Variants in MAPKAPK2 observed in about 807,000 individuals in gnomAD.
The protein encoded by MAPKAPK2 is MAP kinase-activated protein kinase 2.
A neutral mutation model predicts 48.8 loss-of-function variants in MAPKAPK2; 9 were observed. The ratio of observed to expected loss-of-function variants is 0.18; its 90% CI spans 0.11 to 0.32. The LOEUF (loss-of-function observed/expected upper bound fraction) is 0.32. Among genes scored for constraint, MAPKAPK2 ranks in the 10% least tolerant of loss-of-function variants. The probability of loss-of-function intolerance (pLI) is 1.00; values close to 1 mark genes in which losing one functional copy is unlikely to be tolerated. For synonymous variants in MAPKAPK2, 202 were observed against 190.6 expected, an observed-to-expected ratio of 1.06 and a Z score of -0.49; for missense variants, 331 against 498.3, an observed-to-expected ratio of 0.66 and a Z score of 3.20.
intron 4 of MAPKAPK2, 134 bp downstream of exon 4, chr1:206,729,609 T>C: frequency 1.3e-6 from 1 of 797,632 alleles, no homozygotes; most frequent in Non-Finnish European, 2.1e-6. Context: ...CTCTGCCTTG[T>C]AGGGCCTTGC....
Position 206,685,351 on chromosome 1 carries a change from A to AGCAGTTCCC in MAPKAPK2, c.131_139dup (p.Pro44_Phe46dup), listed in dbSNP as rs1672251187. On this transcript the variant is annotated inframe_insertion, in exon 1 of 10. Coordinates refer to ENST00000367103, the MANE Select transcript of MAPKAPK2 (RefSeq NM_032960.4). ...GCGCAGCCGCCGCCGCCGCCCCCGC[A>AGCAGTTCCC]GCAGTTCCCGCAGTTCCACGTCAAG... The AGCAGTTCCC allele has an allele frequency of 7.6e-6, 10 of 1,316,672 alleles. No individual in the cohort carries two copies. The highest frequency in any genetic ancestry group is 1.0e-5 in the Non-Finnish European group (10 of 1,002,260). The allele number at this position is 1,316,672 out of a possible 1,614,324, so 81.6% of individuals were successfully genotyped here.
chr1:206,701,784 T>TTATTGCA (rs1553427934), intron 1 of MAPKAPK2, among the ~76,000 whole-genome samples: 1 of 146,682 alleles, frequency 6.8e-6, no homozygotes, highest in Non-Finnish European at 1.5e-5. Flanking sequence ...CAGAGAGCCG[T>TTATTGCA]TATTGCACTG....
At chr1:206,719,163 G>A (rs145573026) in intron 1 of MAPKAPK2, among the ~76,000 whole-genome samples, 17 of 152,306 alleles carry the variant, frequency 1.1e-4, no homozygotes, top group Admixed American at 6.5e-4. Context: ...CCTGAGTTAA[G>A]TTAGCCTTTT....
chr1:206,732,871 G>C lies in MAPKAPK2; in HGVS notation c.*153G>C, dbSNP rs1431286387. On this transcript the variant is annotated 3_prime_UTR_variant, in exon 10 of 10. Coordinates refer to ENST00000367103, the MANE Select transcript of MAPKAPK2 (RefSeq NM_032960.4). The surrounding 1 kb of genome is among the most constrained non-coding windows in gnomAD (Gnocchi z 4.4). ...GCATCAGTGACTGAATTCTGCCTTG[G>C]TTCTGGCCACCCCAGAGTGGGAGAG... is the stretch of plus-strand genomic sequence containing the variant. 2 of 916,754 alleles carry C rather than the reference G, an allele frequency of 2.2e-6. No homozygotes were observed. Among genetic ancestry groups the C allele is most frequent in the East Asian group, 2.7e-5 (1 of 37,132 alleles). 56.8% of individuals were successfully genotyped at this position (916,754 alleles called of 1,614,324 possible).
At chr1:206,723,886 C>G (rs1241630651) in intron 1 of MAPKAPK2, among the ~76,000 whole-genome samples, 1 of 152,240 alleles carries the variant, frequency 6.6e-6, no homozygotes, top group Non-Finnish European at 1.5e-5. Context: ...GGCTTGGGCC[C>G]CTGCCCCTGC....
intron 1 of MAPKAPK2, among the ~76,000 whole-genome samples, chr1:206,695,376 A>G (rs1672582893): frequency 6.6e-6 from 1 of 151,644 alleles, no homozygotes; most frequent in Non-Finnish European, 1.5e-5. Context: ...TTCCCAGCTT[A>G]AGCCCTTCAG....
chr1:206,714,489 G>A (rs116227243), intron 1 of MAPKAPK2, among the ~76,000 whole-genome samples: 6,673 of 152,016 alleles, frequency 0.044, 333 homozygotes, highest in African/African-American at 0.12. Context: ...CCGGCTGGAC[G>A]CAGTGGCTCA....
chr1:206,695,986 C>A lies in MAPKAPK2; in HGVS notation c.279+10478C>A. On this transcript the variant is annotated intron_variant, in intron 1 of 9. Coordinates refer to ENST00000367103, the MANE Select transcript of MAPKAPK2 (RefSeq NM_032960.4). ...GTCTTGGTTCTACTTCCTCCTATGG[C>A]TCGGAGTTCGATGTGTAGGGCAGTG... 9.4e-6 allele frequency: 7 copies of A among 747,606 alleles called. No individual in the cohort carries two copies. The South Asian group carries it at 1.0e-4, about 11-fold the overall frequency. The allele number at this position is 747,606 out of a possible 1,614,324, so 46.3% of individuals were successfully genotyped here. A position where few individuals can be genotyped will look rare whatever the true frequency, so the allele number is the denominator to read the frequency against.
At chr1:206,730,152 C>T (rs1572516799) in intron 5 of MAPKAPK2, 54 bp downstream of exon 5, 7 of 1,608,694 alleles carry the variant, frequency 4.4e-6, no homozygotes, top group African/African-American at 1.3e-5. Flanking sequence ...TTTTCTCAGC[C>T]CCTCCTCTTG....
chr1:206,723,062 C>T (rs1465264800), intron 1 of MAPKAPK2, among the ~76,000 whole-genome samples: 3 of 152,224 alleles, frequency 2.0e-5, no homozygotes, highest in Admixed American at 1.3e-4. Flanking sequence ...CCTTTTGCAT[C>T]GCTCTTGGCG....
intron 1 of MAPKAPK2, among the ~76,000 whole-genome samples, chr1:206,692,841 G>A (rs2102376046): frequency 6.6e-6 from 1 of 152,354 alleles, no homozygotes; most frequent in African/African-American, 2.4e-5. Context: ...TAGAGGTGAA[G>A]AGTGGTGGCC....
chr1:206,712,080 G>GC (rs1394603264), intron 1 of MAPKAPK2, among the ~76,000 whole-genome samples: 1 of 152,222 alleles, frequency 6.6e-6, no homozygotes, highest in Non-Finnish European at 1.5e-5. Flanking sequence ...AGGTCAGGCA[G>GC]CTACTAAGCT....
rs782769109 is a variant in MAPKAPK2 at position 206,730,048 on chromosome 1, C to T, written c.641C>T (p.Thr214Ile). 5 of 1,614,250 alleles carry T rather than the reference C, an allele frequency of 3.1e-6. No individual in the cohort carries two copies. Among genetic ancestry groups the T allele is most frequent in the Non-Finnish European group, 3.4e-6 (4 of 1,180,042 alleles). Residue 214 changes from threonine (T) to isoleucine (I), a missense_variant, in exon 5 of 10, where the codon ACC becomes ATC. Coordinates refer to ENST00000367103, the MANE Select transcript of MAPKAPK2 (RefSeq NM_032960.4). The part of the protein sequence containing the change: ...KLTDFGFAKE[T>I]TSHNSLTTPC... ...ACTGACTTTGGCTTTGCCAAGGAAACCACCAGCCACAACTCTTTGACCACT... is the reference window on the plus strand; with the variant it reads ...ACTGACTTTGGCTTTGCCAAGGAAATCACCAGCCACAACTCTTTGACCACT...
At chr1:206,707,075 GTCT>G (rs772706390) in intron 1 of MAPKAPK2, among the ~76,000 whole-genome samples, 5 of 152,164 alleles carry the variant, frequency 3.3e-5, no homozygotes, top group South Asian at 2.1e-4. Flanking sequence ...TCTCCCACAG[GTCT>G]TCTTCTTGTT....
Position 206,731,476 on chromosome 1 carries a change from C to T in MAPKAPK2, c.893-164C>T. The stretch of plus-strand genomic sequence containing the variant: ...GCCAAGGCTGTGGGGCTGTGCAGGG[C>T]CTCTCAAGTGGTACAGCCGTAATGG... On this transcript the variant is annotated intron_variant, in intron 7 of 9. Coordinates refer to ENST00000367103, the MANE Select transcript of MAPKAPK2 (RefSeq NM_032960.4). This position sits in a 1 kb window ranked among gnomAD's most constrained non-coding sequence, Gnocchi z 5.9. 9.1e-7 allele frequency: 1 copy of T among 1,095,666 alleles called. No individual in the cohort carries two copies. Among genetic ancestry groups the T allele is most frequent in the Non-Finnish European group, 1.3e-6 (1 of 746,860 alleles). The allele number at this position is 1,095,666 out of a possible 1,614,324, so 67.9% of individuals were successfully genotyped here.
chr1:206,720,798 G>A (rs1393215303), intron 1 of MAPKAPK2, among the ~76,000 whole-genome samples: 4 of 152,108 alleles, frequency 2.6e-5, no homozygotes, highest in African/African-American at 9.7e-5. Flanking sequence ...TACACATTGG[G>A]ATTTGGGATG....
At chr1:206,723,768 C>G (rs149107187) in intron 1 of MAPKAPK2, among the ~76,000 whole-genome samples, 2 of 152,216 alleles carry the variant, frequency 1.3e-5, no homozygotes, top group Non-Finnish European at 2.9e-5. Flanking sequence ...TCCTTCTTCC[C>G]CTCAGGTGCT....
intron 1 of MAPKAPK2, chr1:206,696,275 C>T (rs1672622580): frequency 8.3e-7 from 1 of 1,202,068 alleles, no homozygotes; most frequent in African/African-American, 1.5e-5. Flanking sequence ...GCCATTTCTG[C>T]ATGTTGTTTC....
intron 1 of MAPKAPK2, among the ~76,000 whole-genome samples, chr1:206,705,629 T>G (rs1396650386): frequency 1.3e-5 from 2 of 152,188 alleles, no homozygotes; most frequent in Non-Finnish European, 2.9e-5. Context: ...GGATGCTTTC[T>G]CCTTTCTCCA....
Sources: allele counts gnomAD v4.1 joint callset (sites outside exome capture counted in the v4.1 genomes callset), GRCh38; gene constraint gnomAD v4.1.1; non-coding constraint Gnocchi (gnomAD v3.1); transcripts MANE v1.5; gene names NCBI Gene and HGNC (gene_info 2026-07-23, HGNC 2026-07-21).